ASB3: variants seen among roughly 807,000 people sequenced by gnomAD.
The protein encoded by ASB3 is ankyrin repeat and SOCS box containing 3.
Under a neutral mutation model 54.5 loss-of-function variants are expected in ASB3, and 41 were observed. The observed-to-expected ratio is 0.75, with a 90% CI of 0.59 to 0.98. The LOEUF is 0.98. Ranked by LOEUF, ASB3 falls within the 50% of genes least tolerant of loss-of-function variation. The probability of loss-of-function intolerance (pLI) is 0.00; values close to 1 mark genes in which losing one functional copy is unlikely to be tolerated. For missense variants in ASB3, 733 were observed against 620.0 expected, an observed-to-expected ratio of 1.18 and a Z score of -1.94; for synonymous variants, 266 against 221.2, an observed-to-expected ratio of 1.20 and a Z score of -1.80.
intron 1 of ASB3, chr2:53,768,015 C>A (rs749833800): frequency 6.2e-7 from 1 of 1,613,424 alleles, no homozygotes; most frequent in Non-Finnish European, 8.5e-7. Flanking sequence ...GCGGGGTCCC[C>A]GGCAAGGTGA....
chr2:53,703,940 A>G (rs1669626154), intron 7 of ASB3, among the ~76,000 whole-genome samples: 3 of 152,190 alleles, frequency 2.0e-5, no homozygotes, highest in African/African-American at 7.2e-5. Flanking sequence ...AATCCCTAAA[A>G]ATTAGAATAT....
intron 8 of ASB3, among the ~76,000 whole-genome samples, chr2:53,696,989 G>A (rs1669217938): frequency 6.6e-6 from 1 of 152,126 alleles, no homozygotes; most frequent in African/African-American, 2.4e-5. Flanking sequence ...AGGAAATTAA[G>A]GCATTCTTAG....
chr2:53,688,295 T>C (rs1024911004), intron 9 of ASB3, among the ~76,000 whole-genome samples: 3 of 152,196 alleles, frequency 2.0e-5, no homozygotes, highest in Admixed American at 2.0e-4. Context: ...GGTCAGGCAA[T>C]TCTCCTAAAA....
At chr2:53,763,031 T>C (rs1673231692) in intron 2 of ASB3, among the ~76,000 whole-genome samples, 2 of 152,162 alleles carry the variant, frequency 1.3e-5, no homozygotes, top group Non-Finnish European at 2.9e-5. Context: ...AATTATCTTT[T>C]AGGAATCTCT....
chr2:53,714,442 C>T lies in ASB3; in HGVS notation c.922G>A (p.Ala308Thr), dbSNP rs762703767. 18 of 1,614,224 alleles carry T rather than the reference C, an allele frequency of 1.1e-5. No individual in the cohort carries two copies. Among genetic ancestry groups the T allele is most frequent in the East Asian group, 2.2e-5 (1 of 44,886 alleles). Reference protein sequence around the residue: ...ILLRNGYSPDAQACLVFGFSS... With the variant: ...ILLRNGYSPDTQACLVFGFSS... ...AATCCAAAAACAAGGCACGCCTGGG[C>T]GTCTGGGCTGTAGCCATTCCGGAGT... The change falls in exon 7 of 10, where the codon GCC becomes ACC. Residue 308 changes from alanine (A) to threonine (T), a missense_variant. Coordinates refer to ENST00000263634, the MANE Select transcript of ASB3 (RefSeq NM_016115.5).
At chr2:53,773,345 C>A (rs1299526968) in intron 1 of ASB3, among the ~76,000 whole-genome samples, 2 of 150,370 alleles carry the variant, frequency 1.3e-5, no homozygotes, top group African/African-American at 5.0e-5. Flanking sequence ...AAATTATTCA[C>A]AATGGAGATT....
intron 9 of ASB3, among the ~76,000 whole-genome samples, chr2:53,689,498 G>A (rs188878169): frequency 3.5e-4 from 53 of 152,298 alleles, no homozygotes; most frequent in African/African-American, 9.4e-4. Flanking sequence ...CAACTGGAAT[G>A]CTAGTTCATT....
At chr2:53,767,724 G>C in intron 1 of ASB3, 3 of 792,096 alleles carry the variant, frequency 3.8e-6, no homozygotes, top group Non-Finnish European at 5.9e-6. Flanking sequence ...AGATCCGCTC[G>C]GAAAATCTTT....
At chr2:53,704,297 T>G (rs1414237347) in intron 7 of ASB3, among the ~76,000 whole-genome samples, 1 of 150,176 alleles carries the variant, frequency 6.7e-6, no homozygotes, top group East Asian at 2.0e-4. Context: ...AAGGCAGAGG[T>G]TGCAGTGAGT....
intron 2 of ASB3, among the ~76,000 whole-genome samples, chr2:53,762,072 C>G (rs1217281860): frequency 6.6e-6 from 1 of 152,086 alleles, no homozygotes; most frequent in Non-Finnish European, 1.5e-5. Flanking sequence ...GGTGGTCTGT[C>G]ATAGGATGCA....
intron 8 of ASB3, among the ~76,000 whole-genome samples, chr2:53,697,106 G>A (rs1041314807): frequency 2.0e-5 from 3 of 152,180 alleles, no homozygotes; most frequent in African/African-American, 7.2e-5. Flanking sequence ...AACGAAGATG[G>A]TGATGAAAGT....
intron 2 of ASB3, among the ~76,000 whole-genome samples, chr2:53,753,970 C>T (rs1672673372): frequency 2.0e-5 from 3 of 151,920 alleles, no homozygotes; most frequent in South Asian, 4.2e-4. Context: ...ATCATTCTCC[C>T]GTAAAAGAAA....
intron 8 of ASB3, 52 bp downstream of exon 8, chr2:53,700,219 G>C (rs544179050): frequency 6.4e-7 from 1 of 1,561,150 alleles, no homozygotes; most frequent in African/African-American, 1.4e-5. Flanking sequence ...GGAAATTAAA[G>C]GTAGTATATT....
At chr2:53,716,803 A>G in intron 5 of ASB3, 60 bp from the exon 6 acceptor site, 17 of 1,508,356 alleles carry the variant, frequency 1.1e-5, no homozygotes, top group Admixed American at 2.0e-5. Context: ...AATCAACACA[A>G]ATTTCAAAGG....
intron 3 of ASB3, among the ~76,000 whole-genome samples, chr2:53,740,870 A>C (rs3770396): frequency 1.3e-5 from 2 of 152,128 alleles, no homozygotes; most frequent in African/African-American, 2.4e-5. Flanking sequence ...CTAAAATTCC[A>C]CTATCCTATT....
intron 9 of ASB3, among the ~76,000 whole-genome samples, chr2:53,690,236 C>G (rs928079242): frequency 2.0e-5 from 3 of 151,560 alleles, no homozygotes; most frequent in African/African-American, 7.3e-5. Context: ...ACCCTGTCCC[C>G]CCAAATAAAT....
chr2:53,742,602 G>A (rs1671995959), intron 3 of ASB3, among the ~76,000 whole-genome samples: 1 of 151,880 alleles, frequency 6.6e-6, no homozygotes, highest in African/African-American at 2.4e-5. Flanking sequence ...AAAAATGGCT[G>A]ACAGGAAATG....
Position 53,770,583 on chromosome 2 carries a change from G to C in ASB3, c.-13-4998C>G, listed in dbSNP as rs1452932162. ...TTAAATTATGGAACATTCCAAGTCTGGACTTTCTCTAAGGCTTTCCATTTA... is the reference window on the plus strand; with the variant it reads ...TTAAATTATGGAACATTCCAAGTCTCGACTTTCTCTAAGGCTTTCCATTTA... On this transcript the variant is annotated intron_variant, in intron 1 of 9. Transcript: ENST00000263634. 2.0e-5 allele frequency among the ~76,000 whole-genome samples: 3 copies of C among 150,790 alleles called. No homozygotes were observed. In the East Asian group the frequency reaches 5.8e-4, roughly 29 times the overall value.
intron 3 of ASB3, among the ~76,000 whole-genome samples, chr2:53,734,302 T>A (rs180804459): frequency 6.6e-6 from 1 of 152,326 alleles, no homozygotes; most frequent in East Asian, 1.9e-4. Context: ...TGGGCTCCAC[T>A]GTTCAACCTG....
Sources: gnomAD v4.1 joint callset for allele counts (sites outside exome capture counted in the v4.1 genomes callset) on GRCh38, gnomAD v4.1.1 for gene constraint, MANE v1.5 for transcripts, NCBI Gene and HGNC (gene_info 2026-07-23, HGNC 2026-07-21) for gene names.